The following TENM2 variants were observed in gnomAD, a reference collection of about 807,000 sequenced individuals.
The protein encoded by TENM2 is teneurin transmembrane protein 2.
A neutral mutation model predicts 245.2 loss-of-function variants in TENM2; 52 were observed. That is an observed-to-expected ratio of 0.21 (90% CI 0.17 to 0.27). The LOEUF (loss-of-function observed/expected upper bound fraction) is 0.27. Ranked by LOEUF, TENM2 falls within the 10% of genes least tolerant of loss-of-function variation. The probability of loss-of-function intolerance (pLI) is 1.00; values close to 1 mark genes in which losing one functional copy is unlikely to be tolerated. For missense variants in TENM2, 3,046 were observed against 3,666.8 expected, an observed-to-expected ratio of 0.83 and a Z score of 4.37; for synonymous variants, 1,363 against 1,438.9, an observed-to-expected ratio of 0.95 and a Z score of 1.19.
chr5:167,744,094 C>T (rs1255680985), intron 2 of TENM2, among the ~76,000 whole-genome samples: 2 of 152,190 alleles, frequency 1.3e-5, no homozygotes, highest in Non-Finnish European at 2.9e-5. Context: ...TCTCCAGACA[C>T]AGAATCTGTT....
At chr5:167,689,688 A>G (rs145072666) in intron 2 of TENM2, among the ~76,000 whole-genome samples, 33 of 152,330 alleles carry the variant, frequency 2.2e-4, no homozygotes, top group African/African-American at 7.0e-4. Flanking sequence ...GGTCCCGTTT[A>G]TGCTAAATTC....
At chr5:167,163,528 T>A in the TENM2 span, among the ~76,000 whole-genome samples, 4,916 of 152,278 alleles carry the variant, frequency 0.032, 285 homozygotes, top group African/African-American at 0.11. Flanking sequence ...ATGTTTATGA[T>A]TTATCTGGAC....
chr5:167,570,609 C>T (rs536999578), intron 2 of TENM2, among the ~76,000 whole-genome samples: 4 of 151,914 alleles, frequency 2.6e-5, no homozygotes, highest in East Asian at 1.9e-4. Flanking sequence ...GGCGGTGTTA[C>T]GATCTCTGGT....
the TENM2 span, among the ~76,000 whole-genome samples, chr5:167,218,916 A>G: frequency 6.6e-6 from 1 of 152,342 alleles, no homozygotes; most frequent in East Asian, 1.9e-4. Context: ...GTTGAGGCAC[A>G]GAGAATTGAA....
At chr5:168,201,393 A>C (rs1392778295) in intron 17 of TENM2, among the ~76,000 whole-genome samples, 2 of 152,032 alleles carry the variant, frequency 1.3e-5, no homozygotes, top group African/African-American at 2.4e-5. Context: ...ATGACAGCCA[A>C]TATTAAAAAG....
At chr5:167,163,778 G>A in the TENM2 span, among the ~76,000 whole-genome samples, 1 of 152,078 alleles carries the variant, frequency 6.6e-6, no homozygotes, top group Non-Finnish European at 1.5e-5. Context: ...CCTTGTCTCT[G>A]GAGTATTTTA....
At position 167,286,372 on chromosome 5, in the gene TENM2, C is replaced by G. The variant is rs144729961; in HGVS notation, c.226+1309C>G. The stretch of plus-strand genomic sequence containing the variant: ...GGGCAGAGGCTGCTTGAAAATTGCT[C>G]TGGATCAAATGCCTTTGATCTGTAA... On this transcript the variant is annotated intron_variant, in intron 1 of 28. Coordinates refer to ENST00000518659, the Ensembl canonical transcript of TENM2. 3.0e-3 allele frequency among the ~76,000 whole-genome samples: 463 copies of G among 152,250 alleles called. 13 individuals are homozygous for G. The East Asian group carries it at 0.059, about 19-fold the overall frequency.
chr5:167,094,451 G>GAAGATTC, the TENM2 span, among the ~76,000 whole-genome samples: 1 of 152,046 alleles, frequency 6.6e-6, no homozygotes. Context: ...TAATATGTGA[G>GAAGATTC]AAGATTCACC....
intron 2 of TENM2, among the ~76,000 whole-genome samples, chr5:167,499,244 T>C (rs1422110241): frequency 6.6e-6 from 1 of 152,022 alleles, no homozygotes; most frequent in East Asian, 1.9e-4. Context: ...TTCCATGTAC[T>C]GTATCAGGTA....
Position 167,775,101 on chromosome 5 carries a change from C to T in TENM2, c.503-100885C>T, listed in dbSNP as rs561769473. On this transcript the variant is annotated intron_variant, in intron 2 of 28. Transcript: ENST00000518659. Reference sequence around the variant, plus strand: ...TCTCCTGACTCAGCCTCTCAAGTTGCTGGATTACAGGCGTGCACCACCACA... The same window carrying T: ...TCTCCTGACTCAGCCTCTCAAGTTGTTGGATTACAGGCGTGCACCACCACA... Among the ~76,000 whole-genome samples, 12 of 152,266 alleles carry T rather than the reference C, an allele frequency of 7.9e-5. No individual in the cohort carries two copies. In the South Asian group the frequency reaches 1.7e-3, roughly 21 times the overall value.
At chr5:168,022,853 G>A (rs1010135488) in intron 5 of TENM2, among the ~76,000 whole-genome samples, 2 of 152,140 alleles carry the variant, frequency 1.3e-5, no homozygotes, top group Non-Finnish European at 2.9e-5. Context: ...GGACTCAGGG[G>A]CAGCCGTGTC....
chr5:167,373,642 A>G (rs894398420), intron 1 of TENM2, among the ~76,000 whole-genome samples: 2 of 152,326 alleles, frequency 1.3e-5, no homozygotes, highest in Admixed American at 1.3e-4. Context: ...ACAAATAAAT[A>G]AACTGCACCA....
At chr5:167,011,117 G>A in the TENM2 span, among the ~76,000 whole-genome samples, 1 of 152,156 alleles carries the variant, frequency 6.6e-6, no homozygotes, top group Non-Finnish European at 1.5e-5. Flanking sequence ...TATTTGAAAA[G>A]TTGATGTTTA....
chr5:168,031,040 C>A (rs1431782831), intron 5 of TENM2, among the ~76,000 whole-genome samples: 6 of 152,050 alleles, frequency 3.9e-5, no homozygotes, highest in Admixed American at 3.3e-4. Context: ...CCAACTGCAC[C>A]CCCCGACCAC....
the TENM2 span, among the ~76,000 whole-genome samples, chr5:167,255,313 A>G: frequency 6.6e-6 from 1 of 152,126 alleles, no homozygotes; most frequent in African/African-American, 2.4e-5. Context: ...AAAGGGTAAC[A>G]TCTTTTCCTT....
intron 2 of TENM2, among the ~76,000 whole-genome samples, chr5:167,736,767 G>A (rs1463564313): frequency 6.6e-6 from 1 of 151,830 alleles, no homozygotes; most frequent in Non-Finnish European, 1.5e-5. Context: ...CATACTTCCA[G>A]GTGAGGGAGC....
At chr5:167,592,933 A>G (rs1775974898) in intron 2 of TENM2, among the ~76,000 whole-genome samples, 1 of 152,162 alleles carries the variant, frequency 6.6e-6, no homozygotes, top group Admixed American at 6.5e-5. Context: ...ATACAATGAG[A>G]TGTATATCAT....
At chr5:167,333,353 T>C (rs1054627508) in intron 1 of TENM2, among the ~76,000 whole-genome samples, 3 of 152,174 alleles carry the variant, frequency 2.0e-5, no homozygotes, top group Non-Finnish European at 4.4e-5. Flanking sequence ...GTAAGCACAA[T>C]GTTAGCACCT....
intron 1 of TENM2, among the ~76,000 whole-genome samples, chr5:167,346,194 T>G (rs1758448127): frequency 1.3e-5 from 2 of 152,226 alleles, no homozygotes; most frequent in African/African-American, 4.8e-5. Context: ...CTTTTTTTCC[T>G]TTCTTGAACC....
Sources: gnomAD v4.1 joint callset for allele counts (sites outside exome capture counted in the v4.1 genomes callset) on GRCh38, gnomAD v4.1.1 for gene constraint, MANE v1.5 for transcripts, NCBI Gene and HGNC (gene_info 2026-07-23, HGNC 2026-07-21) for gene names.